Variants in DOCK8 observed in about 807,000 individuals in gnomAD.
DOCK8 encodes dedicator of cytokinesis protein 8.
In DOCK8, 141 loss-of-function variants were observed where a neutral mutation model predicts 245.6. That is an observed-to-expected ratio of 0.57 (90% CI 0.50 to 0.66). DOCK8 has a LOEUF of 0.66. Among genes scored for constraint, DOCK8 ranks in the 30% least tolerant of loss-of-function variants. The pLI is 0.00. For synonymous variants in DOCK8, 1,168 were observed against 970.2 expected (o/e 1.20, Z -3.79); for missense variants, 2,965 against 2,603.4 (o/e 1.14, Z -3.02).
chr9:406,879 T>C, intron 27 of DOCK8, 51 bp from the exon 28 acceptor site: 1 of 1,613,506 alleles, frequency 6.2e-7, no homozygotes, highest in Non-Finnish European at 8.5e-7. Flanking sequence ...GCCATCGCTA[T>C]TTTCATTCCA....
chr9:414,156 C>T (rs1409460562), intron 28 of DOCK8, among the ~76,000 whole-genome samples: 1 of 150,856 alleles, frequency 6.6e-6, no homozygotes, highest in Non-Finnish European at 1.5e-5. Context: ...GTTAAACAGA[C>T]AGTTACCATA....
At chr9:314,599 T>C (rs1341211840) in intron 6 of DOCK8, 1 of 152,196 alleles carries the variant, frequency 6.6e-6, no homozygotes, top group East Asian at 1.9e-4. Flanking sequence ...GCTTCGTAAT[T>C]AGTGTTGCAG....
chr9:447,160 A>G (rs928764673), intron 44 of DOCK8, among the ~76,000 whole-genome samples: 5 of 152,220 alleles, frequency 3.3e-5, no homozygotes, highest in Admixed American at 3.3e-4. Flanking sequence ...ATGCATTAGC[A>G]GGAAAGACCT....
rs145382748 is a variant in DOCK8, at chr9:418,084, A to G, written c.3717A>G (p.Arg1239=). 6.2e-7 allele frequency: 1 copy of G among 1,614,128 alleles called. No individual in the cohort carries two copies. The highest frequency in any genetic ancestry group is 1.3e-5 in the African/African-American group (1 of 74,954). The change falls in exon 30 of 48, where the codon AGA becomes AGG. Residue 1239 remains arginine, a synonymous_variant. Transcript: ENST00000432829. ...LCDFTVADTR[R]YRTSGSDEEQ... is the part of the protein sequence containing the mutation. Reference sequence around the variant, plus strand: ...TCATTGCAGTTGCAGATACTCGCAGATACCGCACCAGTGGCTCGGATGAAG... The same window carrying G: ...TCATTGCAGTTGCAGATACTCGCAGGTACCGCACCAGTGGCTCGGATGAAG...
chr9:333,348 T>C (rs2051121239), intron 10 of DOCK8, among the ~76,000 whole-genome samples: 2 of 152,226 alleles, frequency 1.3e-5, no homozygotes. Context: ...ACACCTGTAA[T>C]CCCAGCACTT....
Position 433,339 on chromosome 9 carries a change from C to T in DOCK8, c.4786-536C>T, listed in dbSNP as rs564915187. Among the ~76,000 whole-genome samples the T allele has an allele frequency of 4.6e-5, 7 of 152,288 alleles. No homozygotes were observed. In the South Asian group the frequency reaches 1.5e-3, roughly 32 times the overall value. ...AACATTCTGTGGCTGAGTTACCTGC[C>T]AGGGTCTCTAGATCAAGCCATAGTC... On this transcript the variant is annotated intron_variant, in intron 37 of 47. Transcript: ENST00000432829.
At chr9:262,949 G>C (rs945366511) in intron 1 of DOCK8, among the ~76,000 whole-genome samples, 1 of 152,244 alleles carries the variant, frequency 6.6e-6, no homozygotes, top group Admixed American at 6.5e-5. Flanking sequence ...GCTCCCGCCT[G>C]TAATCCCAGC....
intron 26 of DOCK8, among the ~76,000 whole-genome samples, chr9:404,637 C>G (rs181283742): frequency 4.6e-5 from 7 of 152,272 alleles, no homozygotes; most frequent in Non-Finnish European, 1.0e-4. Flanking sequence ...ATTTTCAGCA[C>G]AGGCTTCCCA....
chr9:318,157 C>G (rs138496732), intron 7 of DOCK8, among the ~76,000 whole-genome samples: 1 of 152,240 alleles, frequency 6.6e-6, no homozygotes, highest in Non-Finnish European at 1.5e-5. Flanking sequence ...CTCCATACCT[C>G]TCTTCGTCTC....
intron 22 of DOCK8, among the ~76,000 whole-genome samples, chr9:382,988 G>GA (rs527520811): frequency 2.1e-3 from 321 of 151,672 alleles, no homozygotes; most frequent in African/African-American, 7.4e-3. Flanking sequence ...TATTTTCAAG[G>GA]AAAAAAAATA....
intron 14 of DOCK8, among the ~76,000 whole-genome samples, chr9:357,756 C>T (rs10972225): frequency 0.11 from 17,278 of 152,214 alleles, 2,260 homozygotes; most frequent in African/African-American, 0.32. Context: ...CCCAGTGCCT[C>T]CTTCTAATCT....
intron 28 of DOCK8, among the ~76,000 whole-genome samples, chr9:412,183 G>A (rs1227022217): frequency 1.3e-5 from 2 of 151,992 alleles, no homozygotes; most frequent in Non-Finnish European, 1.5e-5. Context: ...TGGACAGATC[G>A]CTTTGAGCCC....
rs1483889152 is a variant in DOCK8 at position 336,445 on chromosome 9, C to G, written c.1286-137C>G. The G allele has an allele frequency of 2.5e-6, 3 of 1,204,280 alleles. No individual in the cohort carries two copies. The African/African-American group carries it at 4.5e-5, about 18-fold the overall frequency. The allele number at this position is 1,204,280 out of a possible 1,614,324, so 74.6% of individuals were successfully genotyped here. A position where few individuals can be genotyped will look rare whatever the true frequency, so the allele number is the denominator to read the frequency against. On this transcript the variant is annotated intron_variant, in intron 11 of 47. Coordinates refer to ENST00000432829, the MANE Select transcript of DOCK8 (RefSeq NM_203447.4). ...AGAAAGGTAGGGGCCAATGGAAGGA[C>G]ATTTTCATTCAAAACAAGGATGGCC...
intron 2 of DOCK8, among the ~76,000 whole-genome samples, chr9:281,635 G>A (rs931860808): frequency 5.7e-5 from 5 of 88,250 alleles, no homozygotes; most frequent in Non-Finnish European, 1.3e-4. Flanking sequence ...ATATATGTTT[G>A]TGTGCCTGTG....
intron 39 of DOCK8, among the ~76,000 whole-genome samples, chr9:435,668 A>T (rs535356448): frequency 6.6e-6 from 1 of 152,360 alleles, no homozygotes; most frequent in African/African-American, 2.4e-5. Flanking sequence ...AGGCTGAATC[A>T]GTACCTTCTT....
chr9:331,957 C>G (rs2130856963), intron 9 of DOCK8, among the ~76,000 whole-genome samples: 1 of 152,298 alleles, frequency 6.6e-6, no homozygotes, highest in Non-Finnish European at 1.5e-5. Flanking sequence ...GACCATATCT[C>G]TTTTTTACAT....
intron 20 of DOCK8, 104 bp downstream of exon 20, chr9:377,315 C>A: frequency 8.6e-7 from 1 of 1,165,244 alleles, no homozygotes; most frequent in Non-Finnish European, 1.2e-6. Flanking sequence ...TGTGATCTTC[C>A]TTTCCACTGA....
intron 1 of DOCK8, chr9:215,394 C>A (rs754505563): frequency 4.5e-6 from 7 of 1,566,602 alleles, no homozygotes; most frequent in Non-Finnish European, 6.0e-6. Flanking sequence ...CGGAGTGTCT[C>A]ATAAACGGCT....
intron 35 of DOCK8, among the ~76,000 whole-genome samples, chr9:429,306 AC>A (rs2056620105): frequency 6.6e-6 from 1 of 152,152 alleles, no homozygotes; most frequent in Non-Finnish European, 1.5e-5. Flanking sequence ...GGTGCCTTCT[AC>A]ATGGGGTCTT....
Sources: allele counts gnomAD v4.1 joint callset (sites outside exome capture counted in the v4.1 genomes callset), GRCh38; gene constraint gnomAD v4.1.1; transcripts MANE v1.5; gene names NCBI Gene and HGNC (gene_info 2026-07-23, HGNC 2026-07-21).